Variants in SUGCT observed in about 807,000 individuals in gnomAD.
The protein encoded by SUGCT is succinyl-CoA:glutarate CoA-transferase.
Under a neutral mutation model 55.0 loss-of-function variants are expected in SUGCT, and 41 were observed. That is an observed-to-expected ratio of 0.74 (90% CI 0.58 to 0.97). The LOEUF is 0.97. SUGCT is among the 50% of genes least tolerant of loss of function. SUGCT has a pLI of 0.00. For synonymous variants in SUGCT, 187 were observed against 200.4 expected, an observed-to-expected ratio of 0.93 and a Z score of 0.56; for missense variants, 568 against 547.8, an observed-to-expected ratio of 1.04 and a Z score of -0.37.
chr7:40,250,255 C>T (rs947629519), intron 7 of SUGCT, among the ~76,000 whole-genome samples: 1 of 149,952 alleles, frequency 6.7e-6, no homozygotes, highest in Non-Finnish European at 1.5e-5. Flanking sequence ...AAAAAATTAG[C>T]GGGGCGTGGA....
At chr7:40,359,777 A>T (rs1419386617) in intron 9 of SUGCT, among the ~76,000 whole-genome samples, 1 of 152,206 alleles carries the variant, frequency 6.6e-6, no homozygotes, top group South Asian at 2.1e-4. Flanking sequence ...ATGAGACAAC[A>T]TGTGTCAACT....
the SUGCT span, among the ~76,000 whole-genome samples, chr7:40,943,323 A>G: frequency 6.6e-6 from 1 of 150,790 alleles, no homozygotes; most frequent in Admixed American, 6.6e-5. Context: ...GTACATGTGC[A>G]CAATGTGCAG....
At chr7:40,354,089 T>C (rs1443348112) in intron 9 of SUGCT, among the ~76,000 whole-genome samples, 1 of 152,320 alleles carries the variant, frequency 6.6e-6, no homozygotes, top group East Asian at 1.9e-4. Flanking sequence ...AACACATTTA[T>C]AATTATTTTT....
At chr7:40,934,199 G>A in the SUGCT span, among the ~76,000 whole-genome samples, 1 of 152,172 alleles carries the variant, frequency 6.6e-6, no homozygotes, top group Non-Finnish European at 1.5e-5. Flanking sequence ...AGGTCCCTCA[G>A]CTGCAGATCT....
intron 12 of SUGCT, among the ~76,000 whole-genome samples, chr7:40,669,964 C>T (rs1372342305): frequency 6.6e-6 from 1 of 151,354 alleles, no homozygotes; most frequent in African/African-American, 2.4e-5. Context: ...TAAACAAAAA[C>T]TTAAAGAAAT....
chr7:40,479,075 T>C (rs191884257), intron 11 of SUGCT, among the ~76,000 whole-genome samples: 155 of 152,236 alleles, frequency 1.0e-3, no homozygotes, highest in African/African-American at 1.7e-3. Context: ...CCTATATATA[T>C]ACACACACAT....
At chr7:40,721,738 G>C (rs1350109171) in intron 12 of SUGCT, among the ~76,000 whole-genome samples, 2 of 152,162 alleles carry the variant, frequency 1.3e-5, no homozygotes. Flanking sequence ...GACATTCTTT[G>C]CCTCTGAGGA....
At chr7:40,842,192 C>A (rs1053526154) in intron 13 of SUGCT, among the ~76,000 whole-genome samples, 1 of 151,910 alleles carries the variant, frequency 6.6e-6, no homozygotes, top group African/African-American at 2.4e-5. Flanking sequence ...ATGAAATTTG[C>A]AACACCCACT....
rs886302080 is a variant in SUGCT, at chr7:40,302,812, T to C, written c.721-13948T>C. ...ATATGCCAGAGGATGGGACTCTTAG[T>C]GGCCATCTTAGAATCCTGCCTACCC... On this transcript the variant is annotated intron_variant, in intron 8 of 13. Transcript: ENST00000335693. Among the ~76,000 whole-genome samples the C allele has an allele frequency of 4.6e-5, 7 of 152,168 alleles. No individual in the cohort carries two copies. The South Asian group carries it at 6.2e-4, about 13-fold the overall frequency.
chr7:40,947,350 T>C, the SUGCT span, among the ~76,000 whole-genome samples: 1 of 152,196 alleles, frequency 6.6e-6, no homozygotes, highest in Admixed American at 6.6e-5. Flanking sequence ...ATTATTTCCT[T>C]TATTTCTTTA....
the SUGCT span, among the ~76,000 whole-genome samples, chr7:40,954,482 C>T: frequency 6.6e-6 from 1 of 152,126 alleles, no homozygotes; most frequent in Non-Finnish European, 1.5e-5. Context: ...CTGACAAGCC[C>T]CAGTGAGATG....
chr7:40,243,601 G>A (rs1789611012), intron 7 of SUGCT, among the ~76,000 whole-genome samples: 1 of 151,988 alleles, frequency 6.6e-6, no homozygotes, highest in Non-Finnish European at 1.5e-5. Flanking sequence ...GTCTGTGTGT[G>A]TTTGTGTGTG....
chr7:40,299,419 G>A (rs1479854619), intron 8 of SUGCT, among the ~76,000 whole-genome samples: 1 of 152,140 alleles, frequency 6.6e-6, no homozygotes, highest in Non-Finnish European at 1.5e-5. Context: ...AACTGTCACA[G>A]GTTGCATTTG....
chr7:40,574,799 A>G (rs1796637084), intron 12 of SUGCT, among the ~76,000 whole-genome samples: 1 of 152,216 alleles, frequency 6.6e-6, no homozygotes, highest in African/African-American at 2.4e-5. Flanking sequence ...ATATTTATTG[A>G]GCATCAAGTA....
At chr7:40,973,020 G>T in the SUGCT span, among the ~76,000 whole-genome samples, 1 of 152,292 alleles carries the variant, frequency 6.6e-6, no homozygotes, top group East Asian at 1.9e-4. Context: ...TGCTTTTCCG[G>T]AGATATGTCT....
chr7:40,856,483 A>G (rs146545181), intron 13 of SUGCT, among the ~76,000 whole-genome samples: 13 of 152,326 alleles, frequency 8.5e-5, no homozygotes, highest in African/African-American at 2.9e-4. Flanking sequence ...GGTTGAAGAT[A>G]GGTGTGCAGG....
intron 7 of SUGCT, among the ~76,000 whole-genome samples, chr7:40,245,692 C>T (rs1385634383): frequency 6.6e-6 from 1 of 151,480 alleles, no homozygotes. Context: ...CCTGCCTCGG[C>T]CTCCCAAAGT....
chr7:40,954,946 G>A, the SUGCT span, among the ~76,000 whole-genome samples: 3 of 152,258 alleles, frequency 2.0e-5, no homozygotes, highest in South Asian at 4.1e-4. Context: ...ACAGATGATT[G>A]TAGATGTGTG....
chr7:40,666,868 G>A (rs1039725289), intron 12 of SUGCT, among the ~76,000 whole-genome samples: 4 of 152,102 alleles, frequency 2.6e-5, no homozygotes, highest in Non-Finnish European at 5.9e-5. Flanking sequence ...AGATAAGAAA[G>A]TGCTCATGGG....
Sources: gnomAD v4.1 joint callset for allele counts (sites outside exome capture counted in the v4.1 genomes callset) on GRCh38, gnomAD v4.1.1 for gene constraint, MANE v1.5 for transcripts, NCBI Gene and HGNC (gene_info 2026-07-23, HGNC 2026-07-21) for gene names.